Variants in RABGEF1 observed in about 807,000 individuals in gnomAD.
RABGEF1 encodes rab5 GDP/GTP exchange factor.
In RABGEF1, 26 loss-of-function variants were observed where a neutral mutation model predicts 57.3. The ratio of observed to expected loss-of-function variants is 0.45; its 90% CI spans 0.33 to 0.63. The LOEUF (loss-of-function observed/expected upper bound fraction) is 0.63, where lower values mean the gene tolerates loss of function less well. RABGEF1 is among the 20% of genes least tolerant of loss of function. RABGEF1 has a pLI of 0.02. For missense variants in RABGEF1, 464 were observed against 607.6 expected (o/e 0.76, Z 2.48); for synonymous variants, 185 against 210.7 (o/e 0.88, Z 1.06).
At position 66,682,424 on chromosome 7, in the gene RABGEF1, G is replaced by A. The variant is rs568134129; in HGVS notation, c.-873+166G>A. 3.9e-5 allele frequency among the ~76,000 whole-genome samples: 6 copies of A among 152,312 alleles called. No individual in the cohort carries two copies. In the East Asian group the frequency reaches 5.8e-4, roughly 15 times the overall value. ...TGGCCCCGTCAGCGCCGCCTGCCCCGTTTCAGGCCGCCCTCGGTTCCCTTA... is the reference window on the plus strand; with the variant it reads ...TGGCCCCGTCAGCGCCGCCTGCCCCATTTCAGGCCGCCCTCGGTTCCCTTA... On this transcript the variant is annotated intron_variant and NMD_transcript_variant, in intron 1 of 9. Coordinates refer to the RABGEF1 transcript ENST00000607882.
chr7:66,699,345 T>C (rs1042482816), intron 1 of RABGEF1, among the ~76,000 whole-genome samples: 2 of 152,172 alleles, frequency 1.3e-5, no homozygotes, highest in South Asian at 2.1e-4. Context: ...TCACCAGATA[T>C]AAGGCATTGG....
At position 66,704,798 on chromosome 7, in the gene RABGEF1, G is replaced by C. The variant is rs560464434; in HGVS notation, c.-872-7369G>C. ...TGCACTCCAGCCTGGGTGACAAAGTGAGACTCCGTCTCAAAAAAAAAAAAA... is the reference window on the plus strand; with the variant it reads ...TGCACTCCAGCCTGGGTGACAAAGTCAGACTCCGTCTCAAAAAAAAAAAAA... On this transcript the variant is annotated intron_variant and NMD_transcript_variant, in intron 1 of 9. Transcript: ENST00000607882. Among the ~76,000 whole-genome samples the C allele has an allele frequency of 1.5e-4, 23 of 149,558 alleles. No homozygotes were observed. The East Asian group carries it at 4.5e-3, about 29-fold the overall frequency.
At chr7:66,796,714 C>G (rs2129174000) in intron 5 of RABGEF1, 1 of 293,048 alleles carries the variant, frequency 3.4e-6, no homozygotes, top group South Asian at 2.6e-5. Flanking sequence ...GTCTCAGCCC[C>G]CGAGTGGCTG....
At chr7:66,672,111 CTCTG>C in the RABGEF1 span, among the ~76,000 whole-genome samples, 3 of 151,524 alleles carry the variant, frequency 2.0e-5, no homozygotes, top group Non-Finnish European at 4.4e-5. Flanking sequence ...CCGGCTGAGA[CTCTG>C]TCTGTTAAAA....
At chr7:66,765,653 C>T (rs1443277518) in intron 1 of RABGEF1, among the ~76,000 whole-genome samples, 1 of 152,194 alleles carries the variant, frequency 6.6e-6, no homozygotes, top group Non-Finnish European at 1.5e-5. Flanking sequence ...TGTAGACTGT[C>T]CTGATACTCA....
chr7:66,686,812 A>G (rs1222710020), intron 1 of RABGEF1, among the ~76,000 whole-genome samples: 5 of 150,586 alleles, frequency 3.3e-5, no homozygotes, highest in Non-Finnish European at 7.4e-5. Flanking sequence ...TTATAGTAGA[A>G]CTTTTTTTTC....
At chr7:66,718,564 AT>A (rs1562732082) in intron 2 of RABGEF1, among the ~76,000 whole-genome samples, 5 of 131,838 alleles carry the variant, frequency 3.8e-5, no homozygotes, top group African/African-American at 1.3e-4. Context: ...AGTTTAATTT[AT>A]AAAAAAAAAA....
rs904442958 is a variant in RABGEF1, at chr7:66,810,313, G to C, written c.*1029G>C. On this transcript the variant is annotated 3_prime_UTR_variant, in exon 9 of 9. Coordinates refer to ENST00000284957, the MANE Select transcript of RABGEF1 (RefSeq NM_014504.3). ...AGTGGCCTGAGAGGTGTTTGTTGTGGGGCCACCCTGTGCATGGTAGAATGT... is the reference window on the plus strand; with the variant it reads ...AGTGGCCTGAGAGGTGTTTGTTGTGCGGCCACCCTGTGCATGGTAGAATGT... The C allele has an allele frequency of 3.9e-5, 6 of 152,146 alleles. No homozygotes were observed. The highest frequency in any genetic ancestry group is 1.3e-4 in the Admixed American group (2 of 15,264). The allele number at this position is 152,146 out of a possible 1,614,324, so 9.4% of individuals were successfully genotyped here.
At chr7:66,660,313 A>T in the RABGEF1 span, among the ~76,000 whole-genome samples, 1 of 150,642 alleles carries the variant, frequency 6.6e-6, no homozygotes. Context: ...GTGCCACTAC[A>T]CTCCAGCCTG....
In RABGEF1 at chr7:66,696,650, A is replaced by G. The variant is rs2117194363; in HGVS notation, c.-873+14392A>G. On this transcript the variant is annotated intron_variant and NMD_transcript_variant, in intron 1 of 9. Coordinates refer to the RABGEF1 transcript ENST00000607882. The stretch of plus-strand genomic sequence containing the variant: ...GGTTGCGGTGAGTCCAGGTCATGCC[A>G]TTGCACTCCAGCCTGGGTGACAGGG... 1.4e-5 allele frequency among the ~76,000 whole-genome samples: 2 copies of G among 145,338 alleles called. 1 individual carries two copies. Among genetic ancestry groups the G allele is most frequent in the South Asian group, 4.4e-4 (2 of 4,572 alleles).
In RABGEF1 at chr7:66,809,328, T is replaced by C. The variant is rs1297935040; in HGVS notation, c.*44T>C. The C allele has an allele frequency of 2.6e-6, 4 of 1,539,874 alleles. No individual in the cohort carries two copies. In the Admixed American group the frequency reaches 5.7e-5, roughly 22 times the overall value. ...TATTTATTTGAGCCTAAATTGTAGGTAGCCCTTACTACACTCAACTGATTG... is the reference window on the plus strand; with the variant it reads ...TATTTATTTGAGCCTAAATTGTAGGCAGCCCTTACTACACTCAACTGATTG... On this transcript the variant is annotated 3_prime_UTR_variant, in exon 9 of 9. Coordinates refer to ENST00000284957, the MANE Select transcript of RABGEF1 (RefSeq NM_014504.3).
chr7:66,668,660 C>G, the RABGEF1 span: 3 of 152,324 alleles, frequency 2.0e-5, no homozygotes, highest in African/African-American at 7.2e-5. Flanking sequence ...TGCCAGACTC[C>G]TGCCAGGCCT....
chr7:66,675,886 C>T, the RABGEF1 span, among the ~76,000 whole-genome samples: 1 of 152,112 alleles, frequency 6.6e-6, no homozygotes, highest in African/African-American at 2.4e-5. Context: ...TCAAAGACTT[C>T]TACACTGAAA....
intron 7 of RABGEF1, among the ~76,000 whole-genome samples, chr7:66,800,236 A>T (rs1333849651): frequency 6.6e-6 from 1 of 152,164 alleles, no homozygotes; most frequent in African/African-American, 2.4e-5. Flanking sequence ...CAAGCTACAG[A>T]AGAAATGGAG....
intron 4 of RABGEF1, among the ~76,000 whole-genome samples, chr7:66,790,528 T>TA (rs1487075097): frequency 2.0e-5 from 3 of 152,160 alleles, no homozygotes; most frequent in Non-Finnish European, 2.9e-5. Context: ...TGGTTCTAGT[T>TA]ACAAAAGTGA....
chr7:66,670,947 G>A, the RABGEF1 span, among the ~76,000 whole-genome samples: 2 of 149,602 alleles, frequency 1.3e-5, no homozygotes, highest in Non-Finnish European at 3.0e-5. Context: ...ATGCACTGGA[G>A]CTTCCACTGG....
the RABGEF1 span, chr7:66,668,812 G>C: frequency 6.6e-6 from 1 of 152,426 alleles, no homozygotes; most frequent in Non-Finnish European, 1.5e-5. Context: ...GCGGGAAGCA[G>C]GCCTTTCTGA....
At chr7:66,661,069 G>A in the RABGEF1 span, among the ~76,000 whole-genome samples, 11 of 152,092 alleles carry the variant, frequency 7.2e-5, no homozygotes, top group African/African-American at 2.7e-4. Context: ...CAGCACTTTG[G>A]GAGGCCAAGG....
At chr7:66,696,868 G>A (rs1792425353) in intron 1 of RABGEF1, among the ~76,000 whole-genome samples, 1 of 152,158 alleles carries the variant, frequency 6.6e-6, no homozygotes, top group African/African-American at 2.4e-5. Context: ...GGGCACAGAT[G>A]ACAGGAGCAG....
Sources: allele counts gnomAD v4.1 joint callset (sites outside exome capture counted in the v4.1 genomes callset), GRCh38; gene constraint gnomAD v4.1.1; transcripts MANE v1.5; gene names NCBI Gene and HGNC (gene_info 2026-07-23, HGNC 2026-07-21).